Variants in SMC4 observed in about 807,000 individuals in gnomAD.
The protein encoded by SMC4 is structural maintenance of chromosomes protein 4.
A neutral mutation model predicts 145.6 loss-of-function variants in SMC4; 87 were observed. The observed-to-expected ratio is 0.60, with a 90% CI of 0.50 to 0.71. The LOEUF is 0.71. Ranked by LOEUF, SMC4 falls within the 30% of genes least tolerant of loss-of-function variation. The probability of loss-of-function intolerance (pLI) is 0.00; values close to 1 mark genes in which losing one functional copy is unlikely to be tolerated. For synonymous variants in SMC4, 558 were observed against 500.7 expected, an observed-to-expected ratio of 1.11 and a Z score of -1.53; for missense variants, 1,447 against 1,537.1, an observed-to-expected ratio of 0.94 and a Z score of 0.98.
intron 2 of SMC4, among the ~76,000 whole-genome samples, chr3:160,401,237 C>G (rs536907174): frequency 1.6e-4 from 24 of 151,784 alleles, no homozygotes; most frequent in Middle Eastern, 6.8e-3. Flanking sequence ...AGGTCACAAA[C>G]AAAAATTCAA....
intron 12 of SMC4, 153 bp from the exon 13 acceptor site, chr3:160,420,587 C>A: frequency 4.9e-6 from 3 of 614,660 alleles, no homozygotes; most frequent in Non-Finnish European, 5.4e-6. Flanking sequence ...TAAACTTATA[C>A]ATATTTTGTA....
At chr3:160,414,343 C>G (rs765590296) in intron 8 of SMC4, 24 bp from the exon 9 acceptor site, 1 of 1,563,214 alleles carries the variant, frequency 6.4e-7, no homozygotes, top group Non-Finnish European at 8.8e-7. Context: ...AAAATAATGA[C>G]TTACAATATA....
intron 7 of SMC4, chr3:160,412,836 C>G (rs1411039152): frequency 1.0e-6 from 1 of 983,364 alleles, no homozygotes; most frequent in African/African-American, 1.8e-5. Flanking sequence ...TAGTATCCTG[C>G]TTTAAGTTGG....
chr3:160,433,229 T>C lies in SMC4; in HGVS notation c.3714+20T>C. On this transcript the variant is annotated intron_variant, in intron 23 of 23. Coordinates refer to ENST00000357388, the MANE Select transcript of SMC4 (RefSeq NM_001002800.3). ...ATATATGTAAGTAATCATTTTGGGA[T>C]TTTCATTCCAGAAACTTTTAGGGGT... The C allele has an allele frequency of 6.4e-7, 1 of 1,568,944 alleles. No individual in the cohort carries two copies. The highest frequency in any genetic ancestry group is 8.7e-7 in the Non-Finnish European group (1 of 1,146,938).
At chr3:160,411,394 G>A (rs778047464) in intron 5 of SMC4, among the ~76,000 whole-genome samples, 1 of 152,092 alleles carries the variant, frequency 6.6e-6, no homozygotes, top group East Asian at 1.9e-4. Context: ...TACTTGTTAA[G>A]GAACTCCTAA....
intron 15 of SMC4, among the ~76,000 whole-genome samples, chr3:160,424,161 A>G (rs1378725915): frequency 6.6e-6 from 1 of 152,148 alleles, no homozygotes; most frequent in Admixed American, 6.6e-5. Context: ...GCTGTATTAC[A>G]TAATTTTTTA....
At chr3:160,405,429 A>C (rs1425175785) in intron 5 of SMC4, among the ~76,000 whole-genome samples, 2 of 152,066 alleles carry the variant, frequency 1.3e-5, no homozygotes, top group African/African-American at 4.8e-5. Flanking sequence ...AATAAAAGCA[A>C]AACTATTTTG....
In SMC4 at chr3:160,431,615, C is replaced by T. The variant is rs16831214; in HGVS notation, c.3115-28C>T. On this transcript the variant is annotated intron_variant, in intron 20 of 23. Coordinates refer to ENST00000357388, the MANE Select transcript of SMC4 (RefSeq NM_001002800.3). ...AATTGTATGTAATATTATGCCTTCT[C>T]TAACTCTCCCCTAAATTGAACTTTT... The T allele has an allele frequency of 8.4e-4, 1,282 of 1,520,512 alleles. 15 individuals are homozygous for T. The African/African-American group carries it at 0.016, about 19-fold the overall frequency. 94.2% of individuals were successfully genotyped at this position (1,520,512 alleles called of 1,614,324 possible).
At position 160,420,744 on chromosome 3, in the gene SMC4, A is replaced by T; in HGVS notation, c.1862A>T (p.Asp621Val). ...RIPGIYGRLG[D>V]LGAIDEKYDV... ...CACCCCACTCTTCATTATTAGGGGG[A>T]CTTAGGAGCCATTGATGAAAAATAC... The change falls in exon 13 of 24, where the codon GAC becomes GTC. Residue 621 changes from aspartate (D) to valine (V), a missense_variant. Coordinates refer to ENST00000357388, the MANE Select transcript of SMC4 (RefSeq NM_001002800.3). 1 of 1,613,322 alleles carries T rather than the reference A, an allele frequency of 6.2e-7. No homozygotes were observed. Among genetic ancestry groups the T allele is most frequent in the Non-Finnish European group, 8.5e-7 (1 of 1,179,778 alleles).
intron 16 of SMC4, among the ~76,000 whole-genome samples, chr3:160,425,315 AT>A (rs1210510284): frequency 6.6e-6 from 1 of 151,914 alleles, no homozygotes; most frequent in African/African-American, 2.4e-5. Context: ...TCAAAGTGGA[AT>A]TTTTTTTAAT....
intron 4 of SMC4, 118 bp from the exon 5 acceptor site, chr3:160,404,210 G>T: frequency 1.2e-6 from 1 of 848,060 alleles, no homozygotes; most frequent in African/African-American, 1.8e-5. Flanking sequence ...TTGTGTGCAT[G>T]TTCAATTGAA....
At chr3:160,433,626 TA>T in intron 23 of SMC4, 30 bp from the exon 24 acceptor site, 1 of 1,392,376 alleles carries the variant, frequency 7.2e-7, no homozygotes. Flanking sequence ...TGTTATTACT[TA>T]ATGTTTGACT....
chr3:160,431,609 CCTTCT>C, intron 20 of SMC4, 29 bp from the exon 21 acceptor site: 1 of 1,455,390 alleles, frequency 6.9e-7, no homozygotes, highest in Non-Finnish European at 9.3e-7. Flanking sequence ...TAATATTATG[CCTTCT>C]CTAACTCTCC....
At position 160,434,229 on chromosome 3, in the gene SMC4, A is replaced by G. The variant is rs1718740667; in HGVS notation, c.*420A>G. On this transcript the variant is annotated 3_prime_UTR_variant, in exon 24 of 24. Coordinates refer to ENST00000357388, the MANE Select transcript of SMC4 (RefSeq NM_001002800.3). ...ACTTAGCTTGCCAGTTGAGACAATC[A>G]CCACAGTTATTACCCAAATACTATG... 6.5e-6 allele frequency: 1 copy of G among 154,894 alleles called. No individual in the cohort carries two copies. Among genetic ancestry groups the G allele is most frequent in the African/African-American group, 2.4e-5 (1 of 41,494 alleles). 9.6% of individuals were successfully genotyped at this position (154,894 alleles called of 1,614,324 possible). A position where few individuals can be genotyped will look rare whatever the true frequency, so the allele number is the denominator to read the frequency against.
chr3:160,426,078 T>C lies in SMC4; in HGVS notation c.2483T>C (p.Leu828Ser). Reference protein sequence around the residue: ...LEKFTASIQRLIEQEEYLNVQ... With the variant: ...LEKFTASIQRSIEQEEYLNVQ... The stretch of plus-strand genomic sequence containing the variant: ...AATGTTAAAACTTTTTTGTAGCGTT[T>C]AATAGAGCAAGAAGAATATTTGAAT... The change falls in exon 17 of 24, where the codon TTA (leucine) becomes TCA (serine). Residue 828 changes from leucine to serine, a missense_variant. Transcript: ENST00000357388. 1 of 1,599,786 alleles carries C rather than the reference T, an allele frequency of 6.3e-7. No individual in the cohort carries two copies. Among genetic ancestry groups the C allele is most frequent in the East Asian group, 2.2e-5 (1 of 44,698 alleles).
chr3:160,433,638 TTTC>T lies in SMC4; in HGVS notation c.3715-16_3715-14del, dbSNP rs1236195585. On this transcript the variant is annotated splice_polypyrimidine_tract_variant and intron_variant, in intron 23 of 23. Coordinates refer to ENST00000357388, the MANE Select transcript of SMC4 (RefSeq NM_001002800.3). ...ACCTGTTATTACTTAATGTTTGACTTTTCTTTGTTTCTCTTTAGGAACAAACAA... is the reference window on the plus strand; with the variant it reads ...ACCTGTTATTACTTAATGTTTGACTTTTTGTTTCTCTTTAGGAACAAACAA... 2.7e-6 allele frequency: 4 copies of T among 1,470,366 alleles called. No homozygotes were observed. Among genetic ancestry groups the T allele is most frequent in the Non-Finnish European group, 3.7e-6 (4 of 1,087,716 alleles). The allele number at this position is 1,470,366 out of a possible 1,614,324, so 91.1% of individuals were successfully genotyped here.
At chr3:160,414,606 A>G in intron 9 of SMC4, 89 bp downstream of exon 9, 1 of 1,188,322 alleles carries the variant, frequency 8.4e-7, no homozygotes, top group Non-Finnish European at 1.2e-6. Flanking sequence ...TGCCTAAGAG[A>G]ATGAATTAGT....
At position 160,420,832 on chromosome 3, in the gene SMC4, A is replaced by G. The variant is rs148369131; in HGVS notation, c.1950A>G (p.Ile650Met). ...ACATTGTTGTTGATTCTATTGATAT[A>G]GCCCAAGAATGTGTAAACTTCCTTA... ...LDYIVVDSID[I>M]AQECVNFLKR... Residue 650 changes from isoleucine to methionine, a missense_variant, in exon 13 of 24, where the codon ATA becomes ATG. Physicochemically the swap from Ile to Met is conservative, Grantham distance 10. Coordinates refer to ENST00000357388, the MANE Select transcript of SMC4 (RefSeq NM_001002800.3). The G allele has an allele frequency of 3.9e-5, 63 of 1,613,956 alleles. No homozygotes were observed. In the African/African-American group the frequency reaches 6.8e-4, roughly 17 times the overall value.
Position 160,419,492 on chromosome 3 carries a change from A to C in SMC4, c.1806A>C (p.Ala602=). The stretch of plus-strand genomic sequence containing the variant: ...GAAGTAGGGGGAAAGTCCTTGATGC[A>C]ATAATTCAAGAAAAAAAATCTGGCA... ...MNRSRGKVLD[A]IIQEKKSGRI... is the part of the protein sequence containing the mutation. Residue 602 remains alanine (A), a synonymous_variant, in exon 12 of 24, where the codon GCA becomes GCC. Coordinates refer to ENST00000357388, the MANE Select transcript of SMC4 (RefSeq NM_001002800.3). 1 of 1,605,110 alleles carries C rather than the reference A, an allele frequency of 6.2e-7. No individual in the cohort carries two copies. The highest frequency in any genetic ancestry group is 1.1e-5 in the South Asian group (1 of 88,082).
Sources: allele counts gnomAD v4.1 joint callset (sites outside exome capture counted in the v4.1 genomes callset), GRCh38; gene constraint gnomAD v4.1.1; transcripts MANE v1.5; gene names NCBI Gene and HGNC (gene_info 2026-07-23, HGNC 2026-07-21).